Variants in SEC23IP observed in about 807,000 individuals in gnomAD.
SEC23IP encodes the protein SEC23 interacting protein, also known as SEC23-interacting protein.
Under a neutral mutation model 113.4 loss-of-function variants are expected in SEC23IP, and 70 were observed. The ratio of observed to expected loss-of-function variants is 0.62; its 90% CI spans 0.51 to 0.75. The LOEUF (loss-of-function observed/expected upper bound fraction) is 0.75. Among genes scored for constraint, SEC23IP ranks in the 30% least tolerant of loss-of-function variants. SEC23IP has a pLI of 0.00. For synonymous variants in SEC23IP, 398 were observed against 421.0 expected (o/e 0.95, Z 0.67); for missense variants, 1,160 against 1,204.9 (o/e 0.96, Z 0.55).
intron 2 of SEC23IP, among the ~76,000 whole-genome samples, chr10:119,902,594 T>A (rs1275520946): frequency 3.3e-5 from 5 of 152,138 alleles, no homozygotes; most frequent in Non-Finnish European, 5.9e-5. Flanking sequence ...GGTATAGATA[T>A]CCCTCACCTC....
rs543122094 is a variant in SEC23IP, at chr10:119,904,396, TG to T, written c.1101+120del. 2,541 of 827,982 alleles carry T rather than the reference TG, an allele frequency of 3.1e-3. 15 individuals carry two copies. Among genetic ancestry groups the T allele is most frequent in the Non-Finnish European group, 3.5e-3 (1,798 of 509,026 alleles). 51.3% of individuals were successfully genotyped at this position (827,982 alleles called of 1,614,324 possible). A position where few individuals can be genotyped will look rare whatever the true frequency, so the allele number is the denominator to read the frequency against. ...CTTACAAGACAGCTTGTTTTGATGC[TG>T]TTCACAGAGAAGATTACTTTTTAAG... On this transcript the variant is annotated intron_variant, in intron 4 of 18. Coordinates refer to ENST00000369075, the MANE Select transcript of SEC23IP (RefSeq NM_007190.4).
chr10:119,927,348 A>G (rs1855455764), intron 13 of SEC23IP, among the ~76,000 whole-genome samples: 1 of 152,238 alleles, frequency 6.6e-6, no homozygotes, highest in South Asian at 2.1e-4. Flanking sequence ...GGCCTTGAAC[A>G]GTAGAAATTT....
At position 119,941,252 on chromosome 10, in the gene SEC23IP, G is replaced by A. The variant is rs1266331313; in HGVS notation, c.*687G>A. The stretch of plus-strand genomic sequence containing the variant: ...GTCCTGGGAAGCGCTCTCCTAGCAC[G>A]TCCATTTCCAGGAGGAGAAGCAAGC... On this transcript the variant is annotated 3_prime_UTR_variant, in exon 19 of 19. Transcript: ENST00000369075. 6.6e-6 allele frequency: 1 copy of A among 152,170 alleles called. No homozygotes were observed. Among genetic ancestry groups the A allele is most frequent in the Non-Finnish European group, 1.5e-5 (1 of 68,038 alleles). The allele number at this position is 152,170 out of a possible 1,614,324, so 9.4% of individuals were successfully genotyped here.
chr10:119,898,818 T>C lies in SEC23IP; in HGVS notation c.555T>C (p.His185=), dbSNP rs1321153815. ...IPQPGYNPYR[H]TPGSSRANPY... Reference sequence around the variant, plus strand: ...AACCAGGATACAATCCATATCGCCATACCCCTGGCAGCAGCAGGGCTAATC... The same window carrying C: ...AACCAGGATACAATCCATATCGCCACACCCCTGGCAGCAGCAGGGCTAATC... Residue 185 remains histidine (H), a synonymous_variant, in exon 2 of 19, where the codon CAT becomes CAC. Coordinates refer to ENST00000369075, the MANE Select transcript of SEC23IP (RefSeq NM_007190.4). 3.7e-6 allele frequency: 6 copies of C among 1,613,954 alleles called. No homozygotes were observed. Among genetic ancestry groups the C allele is most frequent in the Admixed American group, 1.7e-5 (1 of 60,000 alleles).
intron 18 of SEC23IP, among the ~76,000 whole-genome samples, chr10:119,934,317 A>C (rs969532313): frequency 6.6e-6 from 1 of 152,246 alleles, no homozygotes; most frequent in Admixed American, 6.5e-5. Context: ...GCTCTTAATT[A>C]GGGAAGCAGA....
chr10:119,896,966 A>C (rs1321788836), intron 1 of SEC23IP, among the ~76,000 whole-genome samples: 3 of 152,234 alleles, frequency 2.0e-5, no homozygotes, highest in Non-Finnish European at 4.4e-5. Context: ...AAACTACCAA[A>C]AGGAGTATTT....
At chr10:119,899,301 C>T (rs1358454138) in intron 2 of SEC23IP, among the ~76,000 whole-genome samples, 1 of 152,184 alleles carries the variant, frequency 6.6e-6, no homozygotes, top group African/African-American at 2.4e-5. Context: ...GCTAGTTTCT[C>T]ATCTTTCAAT....
At chr10:119,896,668 G>A (rs1854294097) in intron 1 of SEC23IP, among the ~76,000 whole-genome samples, 1 of 152,150 alleles carries the variant, frequency 6.6e-6, no homozygotes, top group African/African-American at 2.4e-5. Context: ...TGAGGTGAGG[G>A]TAGCAGTATA....
intron 10 of SEC23IP, among the ~76,000 whole-genome samples, chr10:119,919,108 C>G (rs1223914771): frequency 6.6e-6 from 1 of 151,658 alleles, no homozygotes; most frequent in Non-Finnish European, 1.5e-5. Context: ...ATTCTCCTGC[C>G]TCAGCCTCCC....
At chr10:119,933,592 T>C in intron 17 of SEC23IP, 94 bp from the exon 18 acceptor site, 2 of 700,676 alleles carry the variant, frequency 2.9e-6, no homozygotes, top group Non-Finnish European at 5.1e-6. Flanking sequence ...TTAGATAGAG[T>C]TGAATAGAAT....
Position 119,909,047 on chromosome 10 carries a change from TA to T in SEC23IP, c.1109del (p.Tyr370LeufsTer5). ...EEFSEKLEAE[Y>X]KKAVTTNQWH... is the part of the protein sequence containing the mutation. ...GTTGTTTCCCCCATTATAGGCTGAA[TA>T]TAAAAAAGCTGTAACCACTAATCAG... On this transcript the variant is annotated frameshift_variant, in exon 5 of 19. Transcript: ENST00000369075. LOFTEE classifies it high-confidence loss of function. 6.2e-7 allele frequency: 1 copy of T among 1,605,688 alleles called. No individual in the cohort carries two copies. The highest frequency in any genetic ancestry group is 8.5e-7 in the Non-Finnish European group (1 of 1,175,262).
chr10:119,942,893 G>T lies in SEC23IP; in HGVS notation c.*2328G>T, dbSNP rs1856000587. 2 of 152,192 alleles carry T rather than the reference G, an allele frequency of 1.3e-5. No homozygotes were observed. The highest frequency in any genetic ancestry group is 6.5e-5 in the Admixed American group (1 of 15,280). The allele number at this position is 152,192 out of a possible 1,614,324, so 9.4% of individuals were successfully genotyped here. ...TGCACAGATTCGAGTGATTTTTGAG[G>T]TAAGTATGTTATTGGAAAGGTGTGA... On this transcript the variant is annotated 3_prime_UTR_variant, in exon 19 of 19. Coordinates refer to ENST00000369075, the MANE Select transcript of SEC23IP (RefSeq NM_007190.4).
At chr10:119,912,809 T>C (rs1482100877) in intron 6 of SEC23IP, among the ~76,000 whole-genome samples, 1 of 151,846 alleles carries the variant, frequency 6.6e-6, no homozygotes, top group Non-Finnish European at 1.5e-5. Context: ...CCCGGCTAAT[T>C]TTTGTATTTT....
chr10:119,919,610 T>C lies in SEC23IP; in HGVS notation c.2025+14T>C, dbSNP rs1452096518. The C allele has an allele frequency of 5.8e-6, 9 of 1,555,486 alleles. No homozygotes were observed. Among genetic ancestry groups the C allele is most frequent in the Non-Finnish European group, 7.8e-6 (9 of 1,156,926 alleles). On this transcript the variant is annotated intron_variant, in intron 11 of 18. Transcript: ENST00000369075. ...ATGGAGTCCCTGGTACTGATCATAG[T>C]TTGCTTCATTTTGTTTGAAATTGTT... is the stretch of plus-strand genomic sequence containing the variant.
chr10:119,911,897 C>T, intron 5 of SEC23IP, 147 bp from the exon 6 acceptor site: 6 of 892,608 alleles, frequency 6.7e-6, no homozygotes, highest in Non-Finnish European at 1.0e-5. Context: ...AGCAAGACTC[C>T]TTCAAAGTTT....
At chr10:119,924,206 G>C (rs1855344044) in intron 12 of SEC23IP, among the ~76,000 whole-genome samples, 1 of 152,068 alleles carries the variant, frequency 6.6e-6, no homozygotes, top group Non-Finnish European at 1.5e-5. Flanking sequence ...CTGATTTCCT[G>C]GTGTTTGGAA....
At chr10:119,915,014 C>G (rs1855002239) in intron 7 of SEC23IP, among the ~76,000 whole-genome samples, 195 bp downstream of exon 7, 3 of 152,288 alleles carry the variant, frequency 2.0e-5, no homozygotes, top group South Asian at 4.1e-4. Flanking sequence ...CATACAATCC[C>G]AGACTGTGAG....
chr10:119,898,258 GA>G (rs1412199335), intron 1 of SEC23IP, 168 bp from the exon 2 acceptor site: 30 of 1,213,616 alleles, frequency 2.5e-5, no homozygotes, highest in Non-Finnish European at 3.0e-5. Flanking sequence ...TCATTTCTAA[GA>G]AGCAAGTTTT....
At chr10:119,936,250 G>T (rs1221445523) in intron 18 of SEC23IP, among the ~76,000 whole-genome samples, 1 of 152,050 alleles carries the variant, frequency 6.6e-6, no homozygotes, top group East Asian at 1.9e-4. Flanking sequence ...TTATTTCTGA[G>T]AATATTGCAT....
Sources: gnomAD v4.1 joint callset for allele counts (sites outside exome capture counted in the v4.1 genomes callset) on GRCh38, gnomAD v4.1.1 for gene constraint, MANE v1.5 for transcripts, NCBI Gene and HGNC (gene_info 2026-07-23, HGNC 2026-07-21) for gene names.